Variants in HNRNPA2B1 observed in about 807,000 individuals in gnomAD.
HNRNPA2B1 encodes heterogeneous nuclear ribonucleoprotein A2/B1, also known as heterogeneous nuclear ribonucleoproteins A2/B1.
Under a neutral mutation model 46.3 loss-of-function variants are expected in HNRNPA2B1, and 3 were observed. That is an observed-to-expected ratio of 0.06 (90% CI 0.03 to 0.17). HNRNPA2B1 has a LOEUF of 0.17. Ranked by LOEUF, HNRNPA2B1 falls within the 10% of genes least tolerant of loss-of-function variation. The pLI, the probability that HNRNPA2B1 is intolerant of heterozygous loss-of-function variation, is 1.00. For synonymous variants in HNRNPA2B1, 225 were observed against 133.8 expected (o/e 1.68, Z -4.70); for missense variants, 221 against 418.9 (o/e 0.53, Z 4.12).
intron 1 of HNRNPA2B1, 83 bp downstream of exon 1, chr7:26,200,489 G>C: frequency 7.2e-7 from 1 of 1,394,852 alleles, no homozygotes; most frequent in Non-Finnish European, 1.0e-6. Flanking sequence ...TCTCTCCCAC[G>C]GAGGCGGCTG....
At chr7:26,200,152 C>G in intron 1 of HNRNPA2B1, 1 of 216,560 alleles carries the variant, frequency 4.6e-6, no homozygotes, top group Non-Finnish European at 9.4e-6. Context: ...CCGCCAAATC[C>G]GGTTCCCGGG....
At chr7:26,196,137 CG>C (rs1269082640) in intron 6 of HNRNPA2B1, among the ~76,000 whole-genome samples, 6 of 152,184 alleles carry the variant, frequency 3.9e-5, no homozygotes, top group Admixed American at 2.6e-4. Flanking sequence ...CCTATTTATA[CG>C]TAAGAATGAC....
intron 3 of HNRNPA2B1, 60 bp downstream of exon 3, chr7:26,197,255 T>A: frequency 1.1e-5 from 16 of 1,517,274 alleles, no homozygotes; most frequent in Non-Finnish European, 1.4e-5. Context: ...AAATAGTTTC[T>A]GATTTTCAGC....
intron 4 of HNRNPA2B1, 40 bp from the exon 5 acceptor site, chr7:26,196,698 C>T: frequency 6.3e-7 from 1 of 1,575,608 alleles, no homozygotes; most frequent in Non-Finnish European, 8.7e-7. Context: ...ATTAAATCAA[C>T]AATATTAAGC....
chr7:26,197,924 G>T, intron 1 of HNRNPA2B1, 192 bp from the exon 2 acceptor site: 7 of 1,335,802 alleles, frequency 5.2e-6, no homozygotes, highest in South Asian at 2.6e-5. Flanking sequence ...CTGCATATTA[G>T]TTGTGTTACA....
chr7:26,198,403 T>C (rs549483350), intron 1 of HNRNPA2B1: 2 of 152,516 alleles, frequency 1.3e-5, no homozygotes, highest in Admixed American at 1.3e-4. Context: ...CAAATTAATT[T>C]TTATGACCAG....
At position 26,197,577 on chromosome 7, in the gene HNRNPA2B1, C is replaced by G. The variant is rs776763930; in HGVS notation, c.117+45G>C. 1.9e-6 allele frequency: 3 copies of G among 1,563,610 alleles called. No individual in the cohort carries two copies. The East Asian group carries it at 6.7e-5, about 35-fold the overall frequency. ...TTTCCTCCATGATTCACTTAACATA[C>G]AGCTAAAAGACTAATATCCAGTAAC... On this transcript the variant is annotated intron_variant, in intron 2 of 10. Transcript: ENST00000618183.
intron 1 of HNRNPA2B1, chr7:26,199,458 A>C (rs189527838): frequency 6.6e-6 from 1 of 152,408 alleles, no homozygotes; most frequent in African/African-American, 2.4e-5. Context: ...TAATCGAAGT[A>C]TAACTAAGGA....
At position 26,191,097 on chromosome 7, in the gene HNRNPA2B1, C is replaced by G. The variant is rs3210098; in HGVS notation, c.*1263G>C. ...AAGCACTTTACAGTCTTTGTGGCAG[C>G]AGAATATACTTGTCCATGGTTCATA... On this transcript the variant is annotated 3_prime_UTR_variant, in exon 11 of 11. Coordinates refer to ENST00000618183, the MANE Select transcript of HNRNPA2B1 (RefSeq NM_002137.4). The G allele has an allele frequency of 7.0e-6, 1 of 142,012 alleles. No homozygotes were observed. The highest frequency in any genetic ancestry group is 7.6e-5 in the Admixed American group (1 of 13,076). The allele number at this position is 142,012 out of a possible 1,614,324, so 8.8% of individuals were successfully genotyped here.
At position 26,190,456 on chromosome 7, in the gene HNRNPA2B1, C is replaced by A. The variant is rs2128103721; in HGVS notation, c.*1904G>T. 1 of 152,704 alleles carries A rather than the reference C, an allele frequency of 6.5e-6. No individual in the cohort carries two copies. Among genetic ancestry groups the A allele is most frequent in the Non-Finnish European group, 1.5e-5 (1 of 68,012 alleles). The allele number at this position is 152,704 out of a possible 1,614,324, so 9.5% of individuals were successfully genotyped here. A position where few individuals can be genotyped will look rare whatever the true frequency, so the allele number is the denominator to read the frequency against. ...TTCATTAGTTACCTGCAGCAAGACA[C>A]CTTCCTGCCAAAGGAAAAAAAAAGT... On this transcript the variant is annotated 3_prime_UTR_variant, in exon 11 of 11. Transcript: ENST00000618183.
chr7:26,196,312 T>A, intron 6 of HNRNPA2B1, 89 bp downstream of exon 6: 1 of 1,074,994 alleles, frequency 9.3e-7, no homozygotes, highest in South Asian at 1.5e-5. Context: ...TTGACTTAGG[T>A]TGGATTTCTT....
chr7:26,200,710 G>C lies in HNRNPA2B1; in HGVS notation c.-133C>G, dbSNP rs755448752. The C allele has an allele frequency of 6.8e-5, 79 of 1,153,810 alleles. No individual in the cohort carries two copies. The highest frequency in any genetic ancestry group is 9.1e-5 in the Non-Finnish European group (70 of 771,768). 71.5% of individuals were successfully genotyped at this position (1,153,810 alleles called of 1,614,324 possible). On this transcript the variant is annotated 5_prime_UTR_variant, in exon 1 of 11. Transcript: ENST00000618183. ...CGCTGCTCGAGAAACAACTCTGCGAGGAGCACCTCCGCACGGGACCCGGCG... is the reference window on the plus strand; with the variant it reads ...CGCTGCTCGAGAAACAACTCTGCGACGAGCACCTCCGCACGGGACCCGGCG...
rs1031523287 is a variant in HNRNPA2B1 at position 26,199,050 on chromosome 7, G to A, written c.7-1318C>T. 2.6e-5 allele frequency: 4 copies of A among 152,154 alleles called. No homozygotes were observed. In the East Asian group the frequency reaches 7.7e-4, roughly 29 times the overall value. 9.4% of individuals were successfully genotyped at this position (152,154 alleles called of 1,614,324 possible). ...TTTGAAATGGTTACTTGTCACGATAGTTATTTTCATTTTTTCAGCTAGTTT... is the reference window on the plus strand; with the variant it reads ...TTTGAAATGGTTACTTGTCACGATAATTATTTTCATTTTTTCAGCTAGTTT... On this transcript the variant is annotated intron_variant, in intron 1 of 10. Coordinates refer to ENST00000618183, the MANE Select transcript of HNRNPA2B1 (RefSeq NM_002137.4).
At chr7:26,198,665 AC>A (rs1783966932) in intron 1 of HNRNPA2B1, 1 of 152,244 alleles carries the variant, frequency 6.6e-6, no homozygotes, top group African/African-American at 2.4e-5. Flanking sequence ...GCTGTACTAC[AC>A]AGCTGTATTC....
chr7:26,195,920 C>T lies in HNRNPA2B1; in HGVS notation c.659-11G>A. 2 of 1,597,348 alleles carry T rather than the reference C, an allele frequency of 1.3e-6. No homozygotes were observed. The highest frequency in any genetic ancestry group is 1.7e-6 in the Non-Finnish European group (2 of 1,175,448). ...CACTGCCATATCCATCTGTTAGGGGCCAAAAAAAGATTACGTTTACTATAA... is the reference window on the plus strand; with the variant it reads ...CACTGCCATATCCATCTGTTAGGGGTCAAAAAAAGATTACGTTTACTATAA... On this transcript the variant is annotated splice_polypyrimidine_tract_variant and intron_variant, in intron 6 of 10. Transcript: ENST00000618183.
intron 9 of HNRNPA2B1, 67 bp downstream of exon 9, chr7:26,193,184 C>T: frequency 1.4e-6 from 2 of 1,446,380 alleles, no homozygotes; most frequent in Non-Finnish European, 1.9e-6. Context: ...GTTATCTTCC[C>T]TTTAAGTCAC....
intron 4 of HNRNPA2B1, 27 bp from the exon 5 acceptor site, chr7:26,196,685 T>A (rs1018834581): frequency 4.3e-5 from 68 of 1,591,964 alleles, no homozygotes; most frequent in Non-Finnish European, 5.6e-5. Context: ...AGACTCCTTT[T>A]AAATTAAATC....
At chr7:26,195,233 T>TA (rs576173529) in intron 7 of HNRNPA2B1, among the ~76,000 whole-genome samples, 113 of 152,190 alleles carry the variant, frequency 7.4e-4, no homozygotes, top group African/African-American at 2.7e-3. Flanking sequence ...ATACACTATT[T>TA]AGTCATGCCT....
At chr7:26,197,145 G>T (rs1212896212) in intron 3 of HNRNPA2B1, 128 bp from the exon 4 acceptor site, 1 of 1,109,682 alleles carries the variant, frequency 9.0e-7, no homozygotes, top group Non-Finnish European at 1.3e-6. Flanking sequence ...ATAGCTTTTA[G>T]GGACCTAGCT....
Sources: allele counts gnomAD v4.1 joint callset (sites outside exome capture counted in the v4.1 genomes callset), GRCh38; gene constraint gnomAD v4.1.1; transcripts MANE v1.5; gene names NCBI Gene and HGNC (gene_info 2026-07-23, HGNC 2026-07-21).